The following SAMSN1 variants were observed in gnomAD, a reference collection of about 807,000 sequenced individuals.
The protein encoded by SAMSN1 is SAM domain, SH3 domain and nuclear localization signals 1, also known as SAM domain-containing protein SAMSN-1.
Under a neutral mutation model 42.0 loss-of-function variants are expected in SAMSN1, and 31 were observed. The observed-to-expected ratio is 0.74, with a 90% CI of 0.55 to 1.00. SAMSN1 has a LOEUF of 1.00. Ranked by LOEUF, SAMSN1 falls within the 50% of genes least tolerant of loss-of-function variation. The pLI is 0.00. For synonymous variants in SAMSN1, 178 were observed against 151.9 expected, an observed-to-expected ratio of 1.17 and a Z score of -1.26; for missense variants, 464 against 439.4, an observed-to-expected ratio of 1.06 and a Z score of -0.50.
chr21:14,540,497 G>C lies in SAMSN1; in HGVS notation c.57+5708C>G, dbSNP rs148389333. 4.3e-3 allele frequency among the ~76,000 whole-genome samples: 649 copies of C among 152,226 alleles called. 3 individuals carry two copies. Among genetic ancestry groups the C allele is most frequent in the Non-Finnish European group, 6.2e-3 (423 of 68,016 alleles). ...AGTGAACAAAGGACACTTCTCAAAA[G>C]AAGACATTTATGCAGCCAAAAGACA... On this transcript the variant is annotated intron_variant, in intron 1 of 7. Coordinates refer to ENST00000400566, the MANE Select transcript of SAMSN1 (RefSeq NM_022136.5).
intron 7 of SAMSN1, among the ~76,000 whole-genome samples, chr21:14,588,504 T>G (rs914022670): frequency 6.6e-6 from 1 of 151,680 alleles, no homozygotes; most frequent in Non-Finnish European, 1.5e-5. Flanking sequence ...CCAGTGATGA[T>G]GAGCATTTTT....
At chr21:14,606,041 T>C (rs7278839) in intron 5 of SAMSN1, among the ~76,000 whole-genome samples, 98,472 of 151,622 alleles carry the variant, frequency 0.65, 32,142 homozygotes, top group East Asian at 0.68. Context: ...GGGGTTTCAC[T>C]GTGTTAGCCA....
chr21:14,642,634 C>T (rs1489921677), intron 2 of SAMSN1, among the ~76,000 whole-genome samples: 1 of 152,210 alleles, frequency 6.6e-6, no homozygotes, highest in Non-Finnish European at 1.5e-5. Flanking sequence ...ACTACTGATT[C>T]AGATATGTAT....
At chr21:14,554,451 T>C (rs555254576) in intron 2 of SAMSN1, among the ~76,000 whole-genome samples, 1 of 152,292 alleles carries the variant, frequency 6.6e-6, no homozygotes, top group Admixed American at 6.5e-5. Flanking sequence ...ATTATCTTTC[T>C]GAAGTTATTA....
chr21:14,556,917 G>A (rs909848190), intron 2 of SAMSN1, among the ~76,000 whole-genome samples: 2 of 152,094 alleles, frequency 1.3e-5, no homozygotes, highest in Non-Finnish European at 2.9e-5. Flanking sequence ...ACAATAAACC[G>A]AATATCCAAG....
chr21:14,571,606 A>G (rs1403472848), intron 2 of SAMSN1, among the ~76,000 whole-genome samples: 1 of 152,232 alleles, frequency 6.6e-6, no homozygotes, highest in Non-Finnish European at 1.5e-5. Context: ...ACTGAGCGAT[A>G]TATTATGACT....
chr21:14,489,635 G>A (rs1026069958), intron 7 of SAMSN1, among the ~76,000 whole-genome samples: 2 of 151,908 alleles, frequency 1.3e-5, no homozygotes, highest in Non-Finnish European at 2.9e-5. Flanking sequence ...AGGCATACTA[G>A]GAACTCCAGA....
intron 5 of SAMSN1, among the ~76,000 whole-genome samples, chr21:14,605,856 T>TTTA (rs1568828068): frequency 9.0e-5 from 12 of 133,148 alleles, no homozygotes; most frequent in South Asian, 2.3e-4. Context: ...TTATTTATTT[T>TTTA]TTTGAGATGG....
chr21:14,533,832 T>C (rs1016077102), intron 1 of SAMSN1, among the ~76,000 whole-genome samples: 1 of 152,194 alleles, frequency 6.6e-6, no homozygotes, highest in Non-Finnish European at 1.5e-5. Context: ...GTGGTCAAAG[T>C]AAAGTCAATT....
chr21:14,499,140 G>A (rs1314225942), intron 6 of SAMSN1, among the ~76,000 whole-genome samples: 1 of 152,142 alleles, frequency 6.6e-6, no homozygotes, highest in Non-Finnish European at 1.5e-5. Flanking sequence ...TAAACCAAAA[G>A]AATTGGAGAC....
At chr21:14,532,123 G>A (rs1464074602) in intron 1 of SAMSN1, among the ~76,000 whole-genome samples, 2 of 152,086 alleles carry the variant, frequency 1.3e-5, no homozygotes, top group African/African-American at 2.4e-5. Context: ...AGCAGAGCTC[G>A]ACCATTAATC....
At chr21:14,549,679 A>C (rs949275671), upstream of SAMSN1, among the ~76,000 whole-genome samples, 26 of 152,286 alleles carry the variant, frequency 1.7e-4, no homozygotes, top group African/African-American at 6.3e-4. Flanking sequence ...GATTTAATGT[A>C]AGAATAATCA....
intron 2 of SAMSN1, among the ~76,000 whole-genome samples, chr21:14,520,072 T>G (rs1978353893): frequency 6.6e-6 from 1 of 152,214 alleles, no homozygotes; most frequent in Admixed American, 6.5e-5. Context: ...ATAGGTAAAT[T>G]GTTATAGATA....
intron 4 of SAMSN1, among the ~76,000 whole-genome samples, chr21:14,610,446 G>C (rs1034713506): frequency 1.3e-5 from 2 of 152,144 alleles, no homozygotes; most frequent in East Asian, 3.9e-4. Context: ...TCAGGACATG[G>C]AAGTTCATTA....
intron 5 of SAMSN1, among the ~76,000 whole-genome samples, chr21:14,504,957 A>C (rs576004655): frequency 6.6e-5 from 10 of 152,336 alleles, no homozygotes; most frequent in East Asian, 3.9e-4. Flanking sequence ...GCCTTCTCAA[A>C]CAAGACAATT....
At chr21:14,601,322 C>T (rs1982423946) in intron 6 of SAMSN1, among the ~76,000 whole-genome samples, 2 of 152,158 alleles carry the variant, frequency 1.3e-5, no homozygotes, top group Admixed American at 1.3e-4. Context: ...CCAATAGCCT[C>T]AGGAATCAGG....
intron 3 of SAMSN1, among the ~76,000 whole-genome samples, chr21:14,513,585 G>A (rs1248135626): frequency 6.6e-6 from 1 of 152,106 alleles, no homozygotes; most frequent in Non-Finnish European, 1.5e-5. Flanking sequence ...CAATTTCAGA[G>A]AATAGTAAGT....
In SAMSN1 at chr21:14,540,435, C is replaced by G. The variant is rs368515307; in HGVS notation, c.57+5770G>C. Among the ~76,000 whole-genome samples, 8 of 152,164 alleles carry G rather than the reference C, an allele frequency of 5.3e-5. No homozygotes were observed. In the South Asian group the frequency reaches 1.7e-3, roughly 32 times the overall value. Reference sequence around the variant, plus strand: ...ATCCAGAATCTACAGTGAACTCCAACAAATATACAAGAAAAAAACAAACAA... The same window carrying G: ...ATCCAGAATCTACAGTGAACTCCAAGAAATATACAAGAAAAAAACAAACAA... On this transcript the variant is annotated intron_variant, in intron 1 of 7. Transcript: ENST00000400566.
intron 1 of SAMSN1, among the ~76,000 whole-genome samples, chr21:14,544,273 A>G (rs1324192533): frequency 3.9e-5 from 6 of 152,080 alleles, no homozygotes; most frequent in Non-Finnish European, 4.4e-5. Context: ...CTGGGCTGGA[A>G]CTCCTGAACT....
Sources: allele counts gnomAD v4.1 joint callset (sites outside exome capture counted in the v4.1 genomes callset), GRCh38; gene constraint gnomAD v4.1.1; transcripts MANE v1.5; gene names NCBI Gene and HGNC (gene_info 2026-07-23, HGNC 2026-07-21).